Variants in ADGRL2 observed in about 807,000 individuals in gnomAD.
ADGRL2 encodes the protein calcium-independent alpha-latrotoxin receptor 2.
ADGRL2 carries 44 observed loss-of-function variants against 157.4 expected under a neutral mutation model. That is an observed-to-expected ratio of 0.28 (90% CI 0.22 to 0.36). The LOEUF is 0.36. Among genes scored for constraint, ADGRL2 ranks in the 10% least tolerant of loss-of-function variants. ADGRL2 has a pLI of 1.00. For missense variants in ADGRL2, 1,510 were observed against 1,768.9 expected, an observed-to-expected ratio of 0.85 and a Z score of 2.63; for synonymous variants, 585 against 624.7, an observed-to-expected ratio of 0.94 and a Z score of 0.95.
At chr1:81,874,439 G>A (rs1241633760) in intron 2 of ADGRL2, among the ~76,000 whole-genome samples, 3 of 152,110 alleles carry the variant, frequency 2.0e-5, no homozygotes, top group African/African-American at 7.2e-5. Flanking sequence ...GTAACTAGAG[G>A]TACCTGCCTC....
chr1:81,554,391 G>A (rs1366946970), intron 2 of ADGRL2, among the ~76,000 whole-genome samples: 1 of 152,036 alleles, frequency 6.6e-6, no homozygotes, highest in Non-Finnish European at 1.5e-5. Flanking sequence ...TCCCAGAACT[G>A]ACTGAGCTCT....
chr1:81,621,429 A>G (rs1443769428), intron 3 of ADGRL2, among the ~76,000 whole-genome samples: 1 of 152,186 alleles, frequency 6.6e-6, no homozygotes, highest in Non-Finnish European at 1.5e-5. Flanking sequence ...AAGACTGGAA[A>G]GAGAGATTTT....
chr1:81,969,711 C>A (rs1252561721), intron 15 of ADGRL2, among the ~76,000 whole-genome samples: 1 of 151,964 alleles, frequency 6.6e-6, no homozygotes, highest in Admixed American at 6.6e-5. Flanking sequence ...TCATTCTGAC[C>A]AGTGATCCTT....
At chr1:81,869,628 TAC>T (rs961773697) in intron 2 of ADGRL2, among the ~76,000 whole-genome samples, 6 of 152,084 alleles carry the variant, frequency 3.9e-5, no homozygotes, top group East Asian at 1.9e-4. Context: ...TATAAATAAT[TAC>T]AGTTTCTCAC....
intron 2 of ADGRL2, among the ~76,000 whole-genome samples, chr1:81,555,361 TG>T (rs2080249566): frequency 1.3e-5 from 2 of 150,190 alleles, no homozygotes; most frequent in Non-Finnish European, 3.0e-5. Flanking sequence ...CTCTGTCTCC[TG>T]GGTTCAAGCG....
intron 1 of ADGRL2, among the ~76,000 whole-genome samples, chr1:81,388,886 A>T (rs1472784341): frequency 1.3e-5 from 2 of 152,120 alleles, no homozygotes; most frequent in Non-Finnish European, 2.9e-5. Context: ...TGATTCCCTC[A>T]TCTTTTGAGG....
intron 2 of ADGRL2, chr1:81,502,333 G>A: frequency 6.2e-7 from 1 of 1,614,156 alleles, no homozygotes; most frequent in African/African-American, 1.3e-5. Flanking sequence ...AGCTCAAGCA[G>A]AATGGTGGTT....
intron 2 of ADGRL2, among the ~76,000 whole-genome samples, chr1:81,490,840 G>C (rs1410519739): frequency 1.3e-5 from 2 of 152,130 alleles, no homozygotes; most frequent in African/African-American, 4.8e-5. Context: ...GCACAAGAAT[G>C]TACATAGCAA....
intron 3 of ADGRL2, among the ~76,000 whole-genome samples, chr1:81,687,122 A>T (rs1335939844): frequency 6.6e-6 from 1 of 152,106 alleles, no homozygotes; most frequent in Non-Finnish European, 1.5e-5. Context: ...TTGTTGTTGG[A>T]TGAAATGTTC....
At chr1:81,362,236 T>G (rs1399375350) in intron 1 of ADGRL2, among the ~76,000 whole-genome samples, 1 of 151,644 alleles carries the variant, frequency 6.6e-6, no homozygotes, top group East Asian at 1.9e-4. Flanking sequence ...TTTTGAGGAC[T>G]TTTTTTTCCC....
chr1:81,556,512 A>C (rs1176266438), intron 2 of ADGRL2, among the ~76,000 whole-genome samples: 1 of 151,798 alleles, frequency 6.6e-6, no homozygotes, highest in Admixed American at 6.6e-5. Flanking sequence ...AATGGAAAAC[A>C]CACATAAAAA....
intron 23 of ADGRL2, among the ~76,000 whole-genome samples, chr1:81,989,327 T>C (rs1221982711): frequency 6.6e-6 from 1 of 152,152 alleles, no homozygotes; most frequent in African/African-American, 2.4e-5. Context: ...TTAAGAAATC[T>C]CTAACATTTC....
intron 3 of ADGRL2, among the ~76,000 whole-genome samples, chr1:81,633,892 G>A (rs1339460664): frequency 1.3e-5 from 2 of 152,160 alleles, no homozygotes; most frequent in African/African-American, 2.4e-5. Context: ...TGATGAAGGC[G>A]GTAGTAACAT....
intron 1 of ADGRL2, among the ~76,000 whole-genome samples, chr1:81,323,435 A>G (rs142740563): frequency 0.017 from 1,083 of 64,762 alleles, 13 homozygotes; most frequent in South Asian, 0.094. Context: ...TTTTTTTTGT[A>G]GAGAATAGGG....
intron 1 of ADGRL2, among the ~76,000 whole-genome samples, chr1:81,369,439 C>A (rs1057438543): frequency 2.6e-5 from 4 of 152,072 alleles, no homozygotes; most frequent in Non-Finnish European, 5.9e-5. Flanking sequence ...CTAGTAGCCA[C>A]CTCCCACCAT....
intron 1 of ADGRL2, among the ~76,000 whole-genome samples, chr1:81,357,980 G>A (rs913011295): frequency 6.6e-6 from 1 of 152,032 alleles, no homozygotes; most frequent in Non-Finnish European, 1.5e-5. Context: ...TAAGAATATG[G>A]GGGTAATAAT....
intron 2 of ADGRL2, among the ~76,000 whole-genome samples, chr1:81,859,548 A>T (rs2093324191): frequency 6.6e-6 from 1 of 151,580 alleles, no homozygotes; most frequent in South Asian, 2.1e-4. Flanking sequence ...CTGGGACTAC[A>T]TGTGTGCACC....
intron 2 of ADGRL2, among the ~76,000 whole-genome samples, chr1:81,517,491 G>GA (rs1383583561): frequency 7.0e-6 from 1 of 141,878 alleles, no homozygotes; most frequent in Non-Finnish European, 1.5e-5. Flanking sequence ...AAAAAAAAAG[G>GA]ATGTCAAAAC....
intron 3 of ADGRL2, among the ~76,000 whole-genome samples, chr1:81,932,243 T>G (rs1180684295): frequency 6.6e-6 from 1 of 152,186 alleles, no homozygotes; most frequent in African/African-American, 2.4e-5. Flanking sequence ...ACATTATACT[T>G]CTTATCTGTT....
Sources: gnomAD v4.1 joint callset for allele counts (sites outside exome capture counted in the v4.1 genomes callset) on GRCh38, gnomAD v4.1.1 for gene constraint, MANE v1.5 for transcripts, NCBI Gene and HGNC (gene_info 2026-07-23, HGNC 2026-07-21) for gene names.